TAFA1: variants seen among roughly 807,000 people sequenced by gnomAD.
The protein encoded by TAFA1 is chemokine-like protein TAFA-1.
Under a neutral mutation model 18.5 loss-of-function variants are expected in TAFA1, and 4 were observed. The ratio of observed to expected loss-of-function variants is 0.22; its 90% CI spans 0.11 to 0.49. The LOEUF (loss-of-function observed/expected upper bound fraction) is 0.49. Ranked by LOEUF, TAFA1 falls within the 20% of genes least tolerant of loss-of-function variation. TAFA1 has a pLI of 0.98. For missense variants in TAFA1, 147 were observed against 169.0 expected, an observed-to-expected ratio of 0.87 and a Z score of 0.72; for synonymous variants, 56 against 55.2, an observed-to-expected ratio of 1.01 and a Z score of -0.06.
chr3:68,473,740 T>C (rs2072042316), intron 3 of TAFA1, among the ~76,000 whole-genome samples: 1 of 152,200 alleles, frequency 6.6e-6, no homozygotes, highest in South Asian at 2.1e-4. Context: ...ATCACTTGGC[T>C]TTCTAGTGTG....
At chr3:68,099,321 C>G (rs184880994) in intron 2 of TAFA1, among the ~76,000 whole-genome samples, 1 of 152,020 alleles carries the variant, frequency 6.6e-6, no homozygotes, top group Non-Finnish European at 1.5e-5. Context: ...ACCAAAATGA[C>G]CCCGTTTAAA....
At chr3:68,472,788 C>G (rs765545184) in intron 3 of TAFA1, among the ~76,000 whole-genome samples, 3 of 151,968 alleles carry the variant, frequency 2.0e-5, no homozygotes, top group Admixed American at 6.6e-5. Context: ...TCACATATGC[C>G]TAATAAGTGA....
chr3:68,016,678 A>G lies in TAFA1; in HGVS notation c.118+9934A>G, dbSNP rs530392945. Among the ~76,000 whole-genome samples, 14 of 152,296 alleles carry G rather than the reference A, an allele frequency of 9.2e-5. No individual in the cohort carries two copies. In the South Asian group the frequency reaches 2.9e-3, roughly 32 times the overall value. Reference sequence around the variant, plus strand: ...ATCACCTAATGATGTATTTCTCAGAACATATCCCTGTTGTTAAGCGATACA... The same window carrying G: ...ATCACCTAATGATGTATTTCTCAGAGCATATCCCTGTTGTTAAGCGATACA... On this transcript the variant is annotated intron_variant, in intron 2 of 4. Coordinates refer to ENST00000478136, the MANE Select transcript of TAFA1 (RefSeq NM_213609.4).
chr3:68,478,712 T>G (rs73092848), intron 3 of TAFA1, among the ~76,000 whole-genome samples: 37,468 of 151,902 alleles, frequency 0.25, 5,031 homozygotes, highest in East Asian at 0.47. Flanking sequence ...AAGAACAACC[T>G]GAACTATAAC....
At chr3:68,532,026 A>G (rs1425025818) in intron 3 of TAFA1, among the ~76,000 whole-genome samples, 1 of 152,178 alleles carries the variant, frequency 6.6e-6, no homozygotes, top group Non-Finnish European at 1.5e-5. Flanking sequence ...TTTCTTATGC[A>G]GGGTTGAGGA....
chr3:68,055,933 C>T (rs552341685), intron 2 of TAFA1, among the ~76,000 whole-genome samples: 2 of 152,162 alleles, frequency 1.3e-5, no homozygotes, highest in East Asian at 1.9e-4. Flanking sequence ...TAAATGATGC[C>T]GGAGAGGCCT....
chr3:68,438,905 T>C (rs910142992), intron 3 of TAFA1, among the ~76,000 whole-genome samples: 21 of 152,044 alleles, frequency 1.4e-4, no homozygotes, highest in Admixed American at 1.4e-3. Flanking sequence ...GAGCAAAGTG[T>C]CGTGGTATCC....
chr3:68,237,091 A>C (rs2107128175), intron 2 of TAFA1, among the ~76,000 whole-genome samples: 1 of 152,356 alleles, frequency 6.6e-6, no homozygotes, highest in Middle Eastern at 3.4e-3. Context: ...GCTATAACCA[A>C]ATACCATAAA....
chr3:68,206,775 T>C lies in TAFA1; in HGVS notation c.118+200031T>C, dbSNP rs73834896. Among the ~76,000 whole-genome samples the C allele has an allele frequency of 9.2e-3, 1,397 of 152,046 alleles. 18 individuals are homozygous for C. Among genetic ancestry groups the C allele is most frequent in the African/African-American group, 0.03 (1,241 of 41,522 alleles). ...AAGCCCAAGATAACTTTTTTCCAAGTGCTTCCGAGCAAAGTGTTGTAGTTG... is the reference window on the plus strand; with the variant it reads ...AAGCCCAAGATAACTTTTTTCCAAGCGCTTCCGAGCAAAGTGTTGTAGTTG... On this transcript the variant is annotated intron_variant, in intron 2 of 4. Transcript: ENST00000478136.
intron 2 of TAFA1, among the ~76,000 whole-genome samples, chr3:68,382,429 C>G (rs565504087): frequency 6.6e-6 from 1 of 152,054 alleles, no homozygotes; most frequent in Non-Finnish European, 1.5e-5. Flanking sequence ...TATCAATCTT[C>G]TGCTTATGGT....
intron 2 of TAFA1, among the ~76,000 whole-genome samples, chr3:68,314,488 CA>C (rs2068574106): frequency 1.3e-5 from 2 of 152,172 alleles, no homozygotes; most frequent in South Asian, 4.1e-4. Context: ...GTCAAATATA[CA>C]TCATTAGATA....
chr3:68,397,507 G>A (rs1048295093), intron 2 of TAFA1, among the ~76,000 whole-genome samples: 18 of 152,180 alleles, frequency 1.2e-4, no homozygotes, highest in Admixed American at 3.3e-4. Context: ...TTTCTTTTAC[G>A]GCTGACTAGT....
At chr3:68,419,255 G>A (rs572469068) in intron 3 of TAFA1, among the ~76,000 whole-genome samples, 1 of 152,152 alleles carries the variant, frequency 6.6e-6, no homozygotes, top group South Asian at 2.1e-4. Flanking sequence ...GACCGCAAGG[G>A]CTGGAAGACC....
chr3:67,992,914 A>G, the TAFA1 span, among the ~76,000 whole-genome samples: 1 of 152,208 alleles, frequency 6.6e-6, no homozygotes, highest in Non-Finnish European at 1.5e-5. Flanking sequence ...TAATGTGCCC[A>G]CACTTGAGCC....
At chr3:68,145,055 G>C (rs1559536706) in intron 2 of TAFA1, 1 of 1,605,872 alleles carries the variant, frequency 6.2e-7, no homozygotes, top group East Asian at 2.2e-5. Flanking sequence ...AAAGTTGCTG[G>C]ATCAGTGCGA....
At chr3:68,251,631 G>T (rs1402858098) in intron 2 of TAFA1, among the ~76,000 whole-genome samples, 1 of 152,188 alleles carries the variant, frequency 6.6e-6, no homozygotes, top group Non-Finnish European at 1.5e-5. Flanking sequence ...TAAAAGAAGG[G>T]ATGTTGTGAG....
intron 2 of TAFA1, among the ~76,000 whole-genome samples, chr3:68,252,634 A>G (rs2067219638): frequency 6.6e-6 from 1 of 152,170 alleles, no homozygotes; most frequent in Non-Finnish European, 1.5e-5. Flanking sequence ...GACACAGTTA[A>G]GAATAGTGGC....
chr3:68,366,562 G>A (rs2069576666), intron 2 of TAFA1, among the ~76,000 whole-genome samples: 2 of 151,628 alleles, frequency 1.3e-5, no homozygotes, highest in South Asian at 2.1e-4. Flanking sequence ...ATGAAGTAGT[G>A]TAATGTAGTG....
intron 3 of TAFA1, among the ~76,000 whole-genome samples, chr3:68,423,007 A>G (rs2070985367): frequency 6.6e-6 from 1 of 152,104 alleles, no homozygotes. Flanking sequence ...TTGATGACTC[A>G]AAACACACCT....
Sources: gnomAD v4.1 joint callset for allele counts (sites outside exome capture counted in the v4.1 genomes callset) on GRCh38, gnomAD v4.1.1 for gene constraint, MANE v1.5 for transcripts, NCBI Gene and HGNC (gene_info 2026-07-23, HGNC 2026-07-21) for gene names.